The following RALYL variants were observed in gnomAD, a reference collection of about 807,000 sequenced individuals.
RALYL encodes RALY RNA binding protein like.
Under a neutral mutation model 35.1 loss-of-function variants are expected in RALYL, and 29 were observed. The ratio of observed to expected loss-of-function variants is 0.83; its 90% CI spans 0.61 to 1.13. The LOEUF (loss-of-function observed/expected upper bound fraction) is 1.13. Among genes scored for constraint, RALYL ranks in the 50% most tolerant of loss-of-function variants. The pLI is 0.00. For synonymous variants in RALYL, 120 were observed against 127.6 expected, an observed-to-expected ratio of 0.94 and a Z score of 0.40; for missense variants, 359 against 360.4, an observed-to-expected ratio of 1.00 and a Z score of 0.03.
At chr8:84,891,789 G>T (rs190953648) in intron 8 of RALYL, among the ~76,000 whole-genome samples, 29 of 152,238 alleles carry the variant, frequency 1.9e-4, no homozygotes, top group Non-Finnish European at 3.7e-4. Context: ...CTCCTTTCCA[G>T]GCTACTGAAC....
intron 2 of RALYL, among the ~76,000 whole-genome samples, chr8:84,715,673 G>A (rs1842855184): frequency 6.6e-6 from 1 of 152,022 alleles, no homozygotes; most frequent in Non-Finnish European, 1.5e-5. Context: ...GTTCTCTGCA[G>A]TGATTTTAGT....
intron 2 of RALYL, among the ~76,000 whole-genome samples, chr8:84,566,401 AG>A (rs1379160963): frequency 6.6e-6 from 1 of 151,610 alleles, no homozygotes; most frequent in Non-Finnish European, 1.5e-5. Flanking sequence ...ATTAAATATT[AG>A]AATGACTAAA....
At chr8:84,704,217 G>A (rs1840725252) in intron 2 of RALYL, among the ~76,000 whole-genome samples, 1 of 152,162 alleles carries the variant, frequency 6.6e-6, no homozygotes, top group African/African-American at 2.4e-5. Flanking sequence ...CTGAGGTCAG[G>A]AGTTCGAGAT....
At chr8:84,304,359 T>G (rs1219440009) in intron 1 of RALYL, among the ~76,000 whole-genome samples, 1 of 152,056 alleles carries the variant, frequency 6.6e-6, no homozygotes, top group African/African-American at 2.4e-5. Flanking sequence ...CCTCGTGATC[T>G]GCCCGTCTCT....
chr8:84,759,808 A>G (rs1463118845), intron 2 of RALYL, among the ~76,000 whole-genome samples: 1 of 152,206 alleles, frequency 6.6e-6, no homozygotes, highest in Middle Eastern at 3.2e-3. Flanking sequence ...CTGTTTTATA[A>G]AATGACTGCT....
intron 2 of RALYL, among the ~76,000 whole-genome samples, chr8:84,559,464 A>T (rs1406676): frequency 0.011 from 1,691 of 152,184 alleles, 25 homozygotes; most frequent in African/African-American, 0.039. Context: ...AGTCATTAAC[A>T]TAGCTTTTTA....
chr8:84,536,830 C>A (rs545726568), intron 2 of RALYL, among the ~76,000 whole-genome samples: 5 of 152,108 alleles, frequency 3.3e-5, no homozygotes, highest in African/African-American at 9.7e-5. Context: ...AGATACAAAT[C>A]AAAAGTTAGT....
At chr8:84,683,053 A>AT (rs1835940243) in intron 2 of RALYL, among the ~76,000 whole-genome samples, 2 of 152,052 alleles carry the variant, frequency 1.3e-5, no homozygotes, top group South Asian at 4.1e-4. Context: ...CTCTGTTCTC[A>AT]TTGATTTCAA....
chr8:84,462,113 G>C (rs2050860150), intron 1 of RALYL, among the ~76,000 whole-genome samples: 1 of 148,382 alleles, frequency 6.7e-6, no homozygotes, highest in Non-Finnish European at 1.5e-5. Flanking sequence ...GGTGTAATCA[G>C]TTTTTTTTTT....
intron 2 of RALYL, among the ~76,000 whole-genome samples, chr8:84,771,925 C>G (rs1815629024): frequency 6.6e-6 from 1 of 151,994 alleles, no homozygotes; most frequent in Admixed American, 6.6e-5. Flanking sequence ...TTAAGATTAT[C>G]CTCCCATATT....
chr8:84,814,839 A>G (rs1182686527), intron 4 of RALYL, among the ~76,000 whole-genome samples: 1 of 152,204 alleles, frequency 6.6e-6, no homozygotes, highest in Non-Finnish European at 1.5e-5. Flanking sequence ...TTGTTCATTT[A>G]ATGTAGTTTC....
intron 8 of RALYL, among the ~76,000 whole-genome samples, chr8:84,909,805 C>T (rs550218581): frequency 2.0e-5 from 3 of 152,002 alleles, no homozygotes; most frequent in Non-Finnish European, 4.4e-5. Flanking sequence ...ATATAGTAAG[C>T]CCTCAGTGCA....
intron 3 of RALYL, among the ~76,000 whole-genome samples, chr8:84,793,932 T>C (rs1821354901): frequency 6.6e-6 from 1 of 152,028 alleles, no homozygotes; most frequent in South Asian, 2.1e-4. Context: ...CACGTAAAAA[T>C]GAGTTGTAGT....
chr8:84,655,140 G>T (rs1380541567), intron 2 of RALYL, among the ~76,000 whole-genome samples: 3 of 152,100 alleles, frequency 2.0e-5, no homozygotes, highest in African/African-American at 7.2e-5. Flanking sequence ...CATTTTGACT[G>T]GAGTGAGACA....
chr8:84,305,760 G>T (rs189190520), intron 1 of RALYL, among the ~76,000 whole-genome samples: 38 of 152,266 alleles, frequency 2.5e-4, no homozygotes, highest in African/African-American at 7.9e-4. Context: ...CCAGCAGGTT[G>T]CATAGTCTCC....
intron 2 of RALYL, among the ~76,000 whole-genome samples, chr8:84,571,181 A>G (rs1807892250): frequency 6.6e-6 from 1 of 151,606 alleles, no homozygotes; most frequent in Non-Finnish European, 1.5e-5. Flanking sequence ...CCCCCTTGAT[A>G]TTTTGAAATA....
intron 2 of RALYL, among the ~76,000 whole-genome samples, chr8:84,681,521 A>G (rs1835492372): frequency 6.6e-6 from 1 of 152,008 alleles, no homozygotes; most frequent in Non-Finnish European, 1.5e-5. Flanking sequence ...TATTTTGTTG[A>G]GCAGTGGTTT....
intron 1 of RALYL, among the ~76,000 whole-genome samples, chr8:84,293,955 A>G (rs116843605): frequency 0.026 from 3,947 of 152,204 alleles, 99 homozygotes; most frequent in Non-Finnish European, 0.029. Context: ...TACCAAAACA[A>G]CCTGTAACAT....
At chr8:84,742,174 T>A (rs2133068498) in intron 2 of RALYL, among the ~76,000 whole-genome samples, 1 of 152,112 alleles carries the variant, frequency 6.6e-6, no homozygotes, top group African/African-American at 2.4e-5. Flanking sequence ...GCCTTATGAA[T>A]CTAAGTGGAT....
Sources: allele counts gnomAD v4.1 joint callset (sites outside exome capture counted in the v4.1 genomes callset), GRCh38; gene constraint gnomAD v4.1.1; transcripts MANE v1.5; gene names NCBI Gene and HGNC (gene_info 2026-07-23, HGNC 2026-07-21).